Variants in SHMT1 observed in about 807,000 individuals in gnomAD.
The protein encoded by SHMT1 is serine hydroxymethyltransferase 1.
SHMT1 carries 45 observed loss-of-function variants against 49.0 expected under a neutral mutation model. The observed-to-expected ratio is 0.92, with a 90% CI of 0.72 to 1.18. The LOEUF (loss-of-function observed/expected upper bound fraction) is 1.18, where lower values mean the gene tolerates loss of function less well. Ranked by LOEUF, SHMT1 falls within the 50% of genes most tolerant of loss-of-function variation. The pLI is 0.00. For synonymous variants in SHMT1, 232 were observed against 246.6 expected, an observed-to-expected ratio of 0.94 and a Z score of 0.55; for missense variants, 541 against 612.4, an observed-to-expected ratio of 0.88 and a Z score of 1.23.
At chr17:18,346,331 A>G (rs1178123165) in intron 5 of SHMT1, among the ~76,000 whole-genome samples, 3 of 152,208 alleles carry the variant, frequency 2.0e-5, no homozygotes, top group Admixed American at 1.3e-4. Flanking sequence ...ACTGGACACT[A>G]AAAGAAAAAG....
intron 5 of SHMT1, among the ~76,000 whole-genome samples, chr17:18,342,785 A>C (rs1157844939): frequency 6.6e-6 from 1 of 151,630 alleles, no homozygotes; most frequent in African/African-American, 2.4e-5. Context: ...AACATTCACA[A>C]ATTAGCCAGG....
chr17:18,362,026 C>T (rs185195856), intron 1 of SHMT1, among the ~76,000 whole-genome samples: 2 of 152,274 alleles, frequency 1.3e-5, no homozygotes, highest in East Asian at 3.9e-4. Flanking sequence ...CTTACCTGGG[C>T]CTCTGTCACA....
chr17:18,344,577 G>GAGAA (rs1555581587), intron 5 of SHMT1, among the ~76,000 whole-genome samples: 3 of 65,386 alleles, frequency 4.6e-5, no homozygotes, highest in Non-Finnish European at 8.3e-5. Flanking sequence ...ACAATTACCG[G>GAGAA]AAAAAAAAAA....
intron 7 of SHMT1, among the ~76,000 whole-genome samples, chr17:18,339,688 G>A (rs1355607270): frequency 2.0e-5 from 3 of 152,078 alleles, no homozygotes; most frequent in African/African-American, 7.2e-5. Flanking sequence ...CGCCTCCTGA[G>A]TAGCTGGGAC....
chr17:18,343,557 G>A (rs1307893655), intron 5 of SHMT1, among the ~76,000 whole-genome samples: 1 of 141,066 alleles, frequency 7.1e-6, no homozygotes, highest in African/African-American at 2.7e-5. Flanking sequence ...GCAGTAAGCT[G>A]AGATCGTGCC....
Position 18,352,542 on chromosome 17 carries a change from G to A in SHMT1, c.242+1130C>T, listed in dbSNP as rs550038094. Among the ~76,000 whole-genome samples, 21 of 151,978 alleles carry A rather than the reference G, an allele frequency of 1.4e-4. No individual in the cohort carries two copies. The East Asian group carries it at 3.1e-3, about 23-fold the overall frequency. ...GTTTTGAAAACACCTGGTGTGGACC[G>A]GGTGCAGTGGCTCACAGCTCTAATC... On this transcript the variant is annotated intron_variant, in intron 3 of 11. Transcript: ENST00000316694.
At chr17:18,353,966 AG>A in intron 2 of SHMT1, 149 bp from the exon 3 acceptor site, 1 of 763,884 alleles carries the variant, frequency 1.3e-6, no homozygotes, top group South Asian at 1.6e-5. Flanking sequence ...TATCTGAGAA[AG>A]CACTAATCAA....
rs779499133 is a variant in SHMT1 at position 18,333,302 on chromosome 17, G to A, written c.932-14C>T. Reference sequence around the variant, plus strand: ...CCACAGCAACCCCTGGACAAGAAGAGACAATGGGTCAGGAGGCTAGGATAG... The same window carrying A: ...CCACAGCAACCCCTGGACAAGAAGAAACAATGGGTCAGGAGGCTAGGATAG... On this transcript the variant is annotated splice_polypyrimidine_tract_variant and intron_variant, in intron 8 of 11. Transcript: ENST00000316694. The A allele has an allele frequency of 1.9e-6, 3 of 1,612,468 alleles. No individual in the cohort carries two copies. Among genetic ancestry groups the A allele is most frequent in the Non-Finnish European group, 2.5e-6 (3 of 1,179,720 alleles).
intron 3 of SHMT1, among the ~76,000 whole-genome samples, chr17:18,349,374 C>T (rs1176280760): frequency 2.0e-5 from 3 of 150,950 alleles, no homozygotes; most frequent in South Asian, 2.1e-4. Context: ...GAGCCGAGAT[C>T]GCCCCACTGC....
chr17:18,352,303 T>C (rs1251939776), intron 3 of SHMT1, among the ~76,000 whole-genome samples: 3 of 152,008 alleles, frequency 2.0e-5, no homozygotes, highest in South Asian at 4.2e-4. Context: ...CCCGCCACCT[T>C]GCCAGGCTAA....
chr17:18,354,129 A>G (rs1985991269), intron 2 of SHMT1, among the ~76,000 whole-genome samples: 4 of 152,188 alleles, frequency 2.6e-5, no homozygotes, highest in African/African-American at 9.6e-5. Flanking sequence ...CTAAAAATAC[A>G]AAACTTGGCT....
At position 18,333,244 on chromosome 17, in the gene SHMT1, C is replaced by CT; in HGVS notation, c.975dup (p.Val326SerfsTer15). The stretch of plus-strand genomic sequence containing the variant: ...TTGGCCACCACCTGGTGTTGATAAA[C>CT]TTTAAATTCCAGAGTCATAGCTTGC... On this transcript the variant is annotated frameshift_variant, in exon 9 of 12. Coordinates refer to ENST00000316694, the MANE Select transcript of SHMT1 (RefSeq NM_004169.5). LOFTEE classifies it high-confidence loss of function. 3.7e-6 allele frequency: 6 copies of CT among 1,613,874 alleles called. No homozygotes were observed. The highest frequency in any genetic ancestry group is 5.1e-6 in the Non-Finnish European group (6 of 1,179,978).
intron 1 of SHMT1, among the ~76,000 whole-genome samples, chr17:18,358,581 C>T (rs1038975215): frequency 2.6e-5 from 4 of 152,076 alleles, no homozygotes; most frequent in Non-Finnish European, 5.9e-5. Flanking sequence ...AAGTAATCCA[C>T]AGAGTTCCTG....
chr17:18,343,497 A>T (rs1412395375), intron 5 of SHMT1, among the ~76,000 whole-genome samples: 1 of 149,780 alleles, frequency 6.7e-6, no homozygotes, highest in African/African-American at 2.5e-5. Context: ...AGTCCTAGCG[A>T]TTCAGGAAGC....
chr17:18,357,802 A>G (rs1471676050), intron 1 of SHMT1, among the ~76,000 whole-genome samples: 2 of 149,948 alleles, frequency 1.3e-5, no homozygotes, highest in African/African-American at 2.4e-5. Flanking sequence ...CATTGCTACA[A>G]AAAAAAAAGT....
rs375139072 is a variant in SHMT1 at position 18,329,329 on chromosome 17, G to A, written c.1231C>T (p.Arg411Cys). The change falls in exon 11 of 12, where the codon CGT (arginine) becomes TGT (cysteine). Residue 411 changes from arginine (R) to cysteine (C), a missense_variant. By Grantham distance (180) the Arg-to-Cys change is radical. Coordinates refer to ENST00000316694, the MANE Select transcript of SHMT1 (RefSeq NM_004169.5). The part of the protein sequence containing the change: ...LRLGTPALTS[R>C]GLLEKDFQKV... ...TGGAAGTCTTTTTCCAAAAGTCCAC[G>A]GGACGTCAGTGCTGGGGTCCCCAGC... The A allele has an allele frequency of 8.8e-5, 142 of 1,613,008 alleles. No homozygotes were observed. The highest frequency in any genetic ancestry group is 1.1e-4 in the Non-Finnish European group (126 of 1,180,014).
At chr17:18,339,533 C>CA (rs1388356564) in intron 7 of SHMT1, among the ~76,000 whole-genome samples, 3 of 152,002 alleles carry the variant, frequency 2.0e-5, no homozygotes, top group Non-Finnish European at 4.4e-5. Flanking sequence ...CTGTGGCTGA[C>CA]AGTCTCCTTC....
chr17:18,329,465 T>C, intron 10 of SHMT1, 77 bp from the exon 11 acceptor site: 1 of 1,177,382 alleles, frequency 8.5e-7, no homozygotes, highest in South Asian at 1.3e-5. Context: ...AAGGGACATG[T>C]GGGCAAAAGA....
chr17:18,361,308 A>AC (rs1056426662), intron 1 of SHMT1, among the ~76,000 whole-genome samples: 3 of 149,960 alleles, frequency 2.0e-5, no homozygotes, highest in Non-Finnish European at 4.4e-5. Flanking sequence ...CAAAAAAAAA[A>AC]AAAAAAACAA....
Sources: gnomAD v4.1 joint callset for allele counts (sites outside exome capture counted in the v4.1 genomes callset) on GRCh38, gnomAD v4.1.1 for gene constraint, MANE v1.5 for transcripts, NCBI Gene and HGNC (gene_info 2026-07-23, HGNC 2026-07-21) for gene names.